The following CAMTA2 variants were observed in gnomAD, a reference collection of about 807,000 sequenced individuals.
The protein encoded by CAMTA2 is calmodulin-binding transcription activator 2.
CAMTA2 carries 56 observed loss-of-function variants against 135.7 expected under a neutral mutation model. The observed-to-expected ratio is 0.41, with a 90% CI of 0.33 to 0.52. CAMTA2 has a LOEUF of 0.52. CAMTA2 is among the 20% of genes least tolerant of loss of function. CAMTA2 has a pLI of 0.16. For synonymous variants in CAMTA2, 591 were observed against 604.6 expected (o/e 0.98, Z 0.33); for missense variants, 1,358 against 1,553.4 (o/e 0.87, Z 2.11).
intron 15 of CAMTA2, 52 bp from the exon 16 acceptor site, chr17:4,972,588 G>A (rs764305122): frequency 1.2e-5 from 18 of 1,555,316 alleles, no homozygotes; most frequent in East Asian, 2.3e-5. Flanking sequence ...GCCATCCCTC[G>A]CTCAAGTCTC....
In CAMTA2 at chr17:4,974,589, G is replaced by A; in HGVS notation, c.1901-89C>T. On this transcript the variant is annotated intron_variant, in intron 11 of 22. Coordinates refer to ENST00000348066, the MANE Select transcript of CAMTA2 (RefSeq NM_015099.4). ...TAGACCTGTCCCAAGATCTGGGGAT[G>A]AGGACACAGAACCATATTCTTTTAT... 5.1e-6 allele frequency: 4 copies of A among 781,022 alleles called. 1 individual carries two copies. In the South Asian group the frequency reaches 5.7e-5, roughly 11 times the overall value. The allele number at this position is 781,022 out of a possible 1,614,324, so 48.4% of individuals were successfully genotyped here. A position where few individuals can be genotyped will look rare whatever the true frequency, so the allele number is the denominator to read the frequency against.
chr17:4,972,810 G>A lies in CAMTA2; in HGVS notation c.2462C>T (p.Pro821Leu), dbSNP rs201029352. 20 of 1,613,832 alleles carry A rather than the reference G, an allele frequency of 1.2e-5. No homozygotes were observed. Among genetic ancestry groups the A allele is most frequent in the Non-Finnish European group, 1.7e-5 (20 of 1,180,048 alleles). Residue 821 changes from proline to leucine, a missense_variant, in exon 15 of 23, where the codon CCC (proline) becomes CTC (leucine). By Grantham distance (98) the Pro-to-Leu change is moderately conservative. Around this residue, in one of 4 missense-constraint regions of CAMTA2, gnomAD observed 1,077 missense variants for 1,127.5 expected, o/e 0.96. Transcript: ENST00000348066. ...ELQRQEPSVE[P>L]PFALSPPSSS... ...GGAGGGTGGCGATAGGGCAAATGGG[G>A]GCTCCACCGAAGGCTCCTGTCTCTG...
chr17:4,979,508 CAAAAAAAAAAA>C, intron 9 of CAMTA2, 165 bp downstream of exon 9: 1 of 203,524 alleles, frequency 4.9e-6, no homozygotes, highest in Admixed American at 9.1e-5. Context: ...GAAACTGTCT[CAAAAAAAAAAA>C]AAAAAAAAAA....
chr17:4,978,973 CAG>C (rs1972795382), intron 9 of CAMTA2, among the ~76,000 whole-genome samples: 1 of 152,208 alleles, frequency 6.6e-6, no homozygotes, highest in South Asian at 2.1e-4. Flanking sequence ...CAGCATAAAA[CAG>C]AACTTCTCCA....
chr17:4,976,447 C>G (rs1174690902), intron 11 of CAMTA2, among the ~76,000 whole-genome samples: 1 of 152,008 alleles, frequency 6.6e-6, no homozygotes, highest in Admixed American at 6.6e-5. Flanking sequence ...GCCTGTAATC[C>G]CAACACTTTG....
At chr17:4,987,009 G>A in intron 1 of CAMTA2, 2 of 1,441,138 alleles carry the variant, frequency 1.4e-6, no homozygotes, top group Non-Finnish European at 1.8e-6. Context: ...GGGAACAGAT[G>A]GGAGCTGGCG....
chr17:4,987,423 C>T, intron 1 of CAMTA2, 170 bp downstream of exon 1: 1 of 1,385,356 alleles, frequency 7.2e-7, no homozygotes. Context: ...CCGTGGGGCC[C>T]TGCGGTGAGC....
rs1189858028 is a variant in CAMTA2, at chr17:4,979,929, G to A, written c.1393C>T (p.Pro465Ser). The A allele has an allele frequency of 3.1e-6, 5 of 1,611,772 alleles. No homozygotes were observed. The highest frequency in any genetic ancestry group is 2.7e-5 in the African/African-American group (2 of 74,746). The part of the protein sequence containing the change: ...GHGAAPPIPS[P>S]PPSPPPSPAP... Reference sequence around the variant, plus strand: ...GGTGAGGGTGGGGGTGAGGGAGGGGGTGAAGGTATGGGTGGGGCAGCCCCG... The same window carrying A: ...GGTGAGGGTGGGGGTGAGGGAGGGGATGAAGGTATGGGTGGGGCAGCCCCG... Residue 465 changes from proline (P) to serine (S), a missense_variant, in exon 9 of 23, where the codon CCC becomes TCC. Coordinates refer to ENST00000348066, the MANE Select transcript of CAMTA2 (RefSeq NM_015099.4).
At chr17:4,986,823 C>T in intron 1 of CAMTA2, 1 of 724,946 alleles carries the variant, frequency 1.4e-6, no homozygotes, top group East Asian at 2.8e-5. Flanking sequence ...TTGGTTAGGA[C>T]CTGATAGAAT....
chr17:4,979,811 G>A lies in CAMTA2; in HGVS notation c.1511C>T (p.Ser504Leu), dbSNP rs772391244. The A allele has an allele frequency of 6.2e-7, 1 of 1,613,826 alleles. No individual in the cohort carries two copies. The highest frequency in any genetic ancestry group is 1.1e-5 in the South Asian group (1 of 91,064). ...GASELEPFSL[S>L]SFPDLMGELI... ...TTCTCCCATAAGGTCTGGGAATGAT[G>A]AAAGACTGAAGGGCTCCAGTTCACT... The change falls in exon 9 of 23, where the codon TCA becomes TTA. Residue 504 changes from serine (S) to leucine (L), a missense_variant. Ser to Leu is a moderately radical substitution (Grantham distance 145). This residue lies in a region of CAMTA2 where 1,077 missense variants were observed against 1,127.5 expected (regional missense o/e 0.96). Transcript: ENST00000348066.
chr17:4,969,247 G>A lies in CAMTA2; in HGVS notation c.3373C>T (p.Arg1125Cys). The stretch of plus-strand genomic sequence containing the variant: ...TGCTGGATGAGCACAGCCGCTCGGC[G>A]GCTCTGCTGAAATCGCTTCTGTTCA... The part of the protein sequence containing the change: ...YYEQKRFQQS[R>C]RAAVLIQQHY... The change falls in exon 21 of 23, where the codon CGC becomes TGC. Residue 1125 changes from arginine to cysteine, a missense_variant. Transcript: ENST00000348066. The surrounding 1 kb of genome is among the most constrained non-coding windows in gnomAD (Gnocchi z 5.6). 6.2e-7 allele frequency: 1 copy of A among 1,613,914 alleles called. No homozygotes were observed. Among genetic ancestry groups the A allele is most frequent in the Non-Finnish European group, 8.5e-7 (1 of 1,180,030 alleles).
At position 4,972,999 on chromosome 17, in the gene CAMTA2, A is replaced by AG; in HGVS notation, c.2281-9dup. ...CAGGGCACAAGCCCACATCTGAGGA[A>AG]GGGGGCGGGACAGGCGGAGACGGAG... On this transcript the variant is annotated splice_polypyrimidine_tract_variant and intron_variant, in intron 14 of 22. Coordinates refer to ENST00000348066, the MANE Select transcript of CAMTA2 (RefSeq NM_015099.4). 6.2e-7 allele frequency: 1 copy of AG among 1,608,508 alleles called. No individual in the cohort carries two copies. Among genetic ancestry groups the AG allele is most frequent in the Non-Finnish European group, 8.5e-7 (1 of 1,176,428 alleles).
intron 3 of CAMTA2, 136 bp downstream of exon 3, chr17:4,985,744 T>C: frequency 1.6e-6 from 1 of 636,418 alleles, no homozygotes; most frequent in Non-Finnish European, 2.9e-6. Context: ...TTTTTATACC[T>C]CTCCTAGGAT....
chr17:4,972,807 G>A lies in CAMTA2; in HGVS notation c.2465C>T (p.Pro822Leu), dbSNP rs1430210075. The A allele has an allele frequency of 6.2e-7, 1 of 1,613,834 alleles. No individual in the cohort carries two copies. Among genetic ancestry groups the A allele is most frequent in the South Asian group, 1.1e-5 (1 of 91,080 alleles). The change falls in exon 15 of 23, where the codon CCA (proline) becomes CTA (leucine). Residue 822 changes from proline to leucine, a missense_variant. By Grantham distance (98) the Pro-to-Leu change is moderately conservative (BLOSUM62 -3). Around this residue, in one of 4 missense-constraint regions of CAMTA2, gnomAD observed 1,077 missense variants for 1,127.5 expected, o/e 0.96. Coordinates refer to ENST00000348066, the MANE Select transcript of CAMTA2 (RefSeq NM_015099.4). ...GGAGGAGGGTGGCGATAGGGCAAAT[G>A]GGGGCTCCACCGAAGGCTCCTGTCT... is the stretch of plus-strand genomic sequence containing the variant. ...LQRQEPSVEP[P>L]FALSPPSSSP...
At chr17:4,986,085 C>T (rs1973262400) in intron 2 of CAMTA2, 102 bp from the exon 3 acceptor site, 1 of 1,122,264 alleles carries the variant, frequency 8.9e-7, no homozygotes, top group African/African-American at 1.5e-5. Context: ...CTGGGGAAAA[C>T]TGAAACCTCA....
rs1972213664 is a variant in CAMTA2, at chr17:4,970,447, T to C, written c.2898A>G (p.Gly966=). 1.2e-6 allele frequency: 2 copies of C among 1,614,052 alleles called. No homozygotes were observed. Among genetic ancestry groups the C allele is most frequent in the African/African-American group, 1.3e-5 (1 of 74,998 alleles). ...CCCCTGTCCGCTCCCGCATTGAGGC[T>C]CCAGCCTCGGGCAGCCCCACGAAGT... The part of the protein sequence containing the change: ...REDFVGLPEA[G]ASMRERTGAV... Residue 966 remains glycine (G), a synonymous_variant, in exon 17 of 23, where the codon GGA becomes GGG. Transcript: ENST00000348066.
chr17:4,975,805 G>GAGAAAGC (rs1471457051), intron 11 of CAMTA2, among the ~76,000 whole-genome samples: 10 of 152,302 alleles, frequency 6.6e-5, no homozygotes, highest in African/African-American at 2.4e-4. Context: ...AGCTAACCTT[G>GAGAAAGC]AGAAAGCAGA....
chr17:4,969,421 GCAA>G lies in CAMTA2; in HGVS notation c.3282+76_3282+78del. 6.2e-7 allele frequency: 1 copy of G among 1,606,656 alleles called. No homozygotes were observed. Among genetic ancestry groups the G allele is most frequent in the Non-Finnish European group, 8.5e-7 (1 of 1,173,184 alleles). On this transcript the variant is annotated intron_variant, in intron 20 of 22. Transcript: ENST00000348066. The surrounding 1 kb of genome is among the most constrained non-coding windows in gnomAD (Gnocchi z 5.6). ...TGAGGCTCACCCAAGTTAGGCTGAT[GCAA>G]GACTCTCTGTAACCCACACACTCAA...
chr17:4,973,022 G>A (rs2151167432), intron 14 of CAMTA2, 31 bp from the exon 15 acceptor site: 3 of 1,587,644 alleles, frequency 1.9e-6, no homozygotes, highest in East Asian at 4.5e-5. Flanking sequence ...GGCGGAGACG[G>A]AGGTGGAGGT....
Sources: gnomAD v4.1 joint callset for allele counts (sites outside exome capture counted in the v4.1 genomes callset) on GRCh38, gnomAD v4.1.1 for gene constraint, gnomAD v4.1.1 regional missense constraint, Gnocchi (gnomAD v3.1) non-coding constraint, MANE v1.5 for transcripts, NCBI Gene and HGNC (gene_info 2026-07-23, HGNC 2026-07-21) for gene names.